The following SLC44A5 variants were observed in gnomAD, a reference collection of about 807,000 sequenced individuals.
The protein encoded by SLC44A5 is solute carrier family 44 member 5, also known as choline transporter-like protein 5.
SLC44A5 carries 57 observed loss-of-function variants against 101.8 expected under a neutral mutation model. That is an observed-to-expected ratio of 0.56 (90% CI 0.45 to 0.70). The LOEUF is 0.70. Ranked by LOEUF, SLC44A5 falls within the 30% of genes least tolerant of loss-of-function variation. SLC44A5 has a pLI of 0.00. For missense variants in SLC44A5, 737 were observed against 853.1 expected (o/e 0.86, Z 1.70); for synonymous variants, 281 against 290.9 (o/e 0.97, Z 0.35).
intron 3 of SLC44A5, among the ~76,000 whole-genome samples, chr1:75,352,061 C>T (rs544016004): frequency 6.6e-6 from 1 of 151,744 alleles, no homozygotes; most frequent in Non-Finnish European, 1.5e-5. Context: ...AACAGGATTT[C>T]TTTGGAGTAC....
chr1:75,556,881 G>T (rs561139412), intron 1 of SLC44A5, among the ~76,000 whole-genome samples: 10 of 152,058 alleles, frequency 6.6e-5, no homozygotes, highest in Admixed American at 2.6e-4. Flanking sequence ...AATAAATAAA[G>T]AAAGACGGGT....
intron 3 of SLC44A5, among the ~76,000 whole-genome samples, chr1:75,368,175 A>T (rs1048477741): frequency 5.9e-5 from 9 of 152,140 alleles, no homozygotes; most frequent in African/African-American, 9.7e-5. Context: ...GCAACCAATT[A>T]AAAAAACACT....
At chr1:75,235,904 G>A (rs1337389097) in intron 11 of SLC44A5, among the ~76,000 whole-genome samples, 1 of 152,040 alleles carries the variant, frequency 6.6e-6, no homozygotes, top group Non-Finnish European at 1.5e-5. Flanking sequence ...AACACAGAAT[G>A]GTAGGTGCTA....
intron 22 of SLC44A5, 123 bp downstream of exon 22, chr1:75,213,582 A>G: frequency 1.4e-6 from 1 of 719,834 alleles, no homozygotes; most frequent in Non-Finnish European, 2.4e-6. Flanking sequence ...AAGTTGGCTG[A>G]CACCTTGATC....
Position 75,222,424 on chromosome 1 carries a change from A to T in SLC44A5, c.1022T>A (p.Leu341His), listed in dbSNP as rs767059645. 9 of 1,613,456 alleles carry T rather than the reference A, an allele frequency of 5.6e-6. No individual in the cohort carries two copies. The highest frequency in any genetic ancestry group is 5.5e-5 in the South Asian group (5 of 91,076). Residue 341 changes from leucine (L) to histidine (H), a missense_variant, in exon 14 of 24, where the codon CTC becomes CAC. Leu to His is a moderately conservative substitution (Grantham distance 99). Transcript: ENST00000370859. ...ILCIIEVIVI[L>H]MLIFLRNRIR... ...TCGATTCCTGAGGAAGATCAGCATG[A>T]GGATGACAATCACTTCAATGATGCA... is the stretch of plus-strand genomic sequence containing the variant.
chr1:75,210,866 T>C (rs1460150805), intron 23 of SLC44A5, among the ~76,000 whole-genome samples: 1 of 152,234 alleles, frequency 6.6e-6, no homozygotes, highest in Non-Finnish European at 1.5e-5. Flanking sequence ...TGTTGAGGTA[T>C]AATTTTTTTA....
chr1:75,318,230 A>T lies in SLC44A5; in HGVS notation c.102-17545T>A, dbSNP rs564478585. 9.8e-4 allele frequency among the ~76,000 whole-genome samples: 149 copies of T among 152,124 alleles called. 1 individual carries two copies. The highest frequency in any genetic ancestry group is 3.4e-3 in the African/African-American group (142 of 41,506). ...TCGTCTCTACACAAATAAAAACATT[A>T]GTCACACAGGGTCACGCACACCTGT... On this transcript the variant is annotated intron_variant, in intron 4 of 23. Coordinates refer to ENST00000370859, the MANE Select transcript of SLC44A5 (RefSeq NM_001130058.2).
At chr1:75,508,056 T>G (rs1234083699) in intron 2 of SLC44A5, among the ~76,000 whole-genome samples, 1 of 152,064 alleles carries the variant, frequency 6.6e-6, no homozygotes, top group African/African-American at 2.4e-5. Flanking sequence ...CCATCAACCA[T>G]GGAATAAACA....
intron 1 of SLC44A5, among the ~76,000 whole-genome samples, chr1:75,550,754 G>A (rs1294038632): frequency 2.0e-5 from 3 of 152,032 alleles, no homozygotes; most frequent in African/African-American, 7.2e-5. Context: ...GAAGGAAGCA[G>A]AGAGGAAGGA....
chr1:75,625,755 G>A, the SLC44A5 span, among the ~76,000 whole-genome samples: 1 of 152,036 alleles, frequency 6.6e-6, no homozygotes, highest in Non-Finnish European at 1.5e-5. Context: ...TAGTCCCCCA[G>A]TTACCATCCT....
the SLC44A5 span, among the ~76,000 whole-genome samples, chr1:75,671,255 G>C: frequency 6.6e-6 from 1 of 152,150 alleles, no homozygotes; most frequent in East Asian, 1.9e-4. Flanking sequence ...GGTGTGCGTG[G>C]ACTCTGGATT....
chr1:75,472,411 GA>G (rs921999199), intron 2 of SLC44A5, among the ~76,000 whole-genome samples: 6 of 151,866 alleles, frequency 4.0e-5, no homozygotes, highest in South Asian at 2.1e-4. Context: ...CAACAAGCCT[GA>G]AAAAAAATAA....
chr1:75,228,804 C>A (rs899306292), intron 12 of SLC44A5, among the ~76,000 whole-genome samples: 2 of 151,516 alleles, frequency 1.3e-5, no homozygotes, highest in African/African-American at 4.8e-5. Context: ...AAATACAAGA[C>A]CTTAGTTACT....
chr1:75,301,353 G>A (rs1306677435), intron 4 of SLC44A5, among the ~76,000 whole-genome samples: 1 of 152,248 alleles, frequency 6.6e-6, no homozygotes, highest in Admixed American at 6.5e-5. Context: ...GATACTCAAG[G>A]TTTTCAACTA....
intron 1 of SLC44A5, among the ~76,000 whole-genome samples, chr1:75,576,389 A>G (rs1386058180): frequency 1.3e-5 from 2 of 151,302 alleles, no homozygotes; most frequent in African/African-American, 4.9e-5. Context: ...ATCTCCACTC[A>G]CTGCAAGCTC....
At chr1:75,646,794 C>A in the SLC44A5 span, among the ~76,000 whole-genome samples, 1 of 151,992 alleles carries the variant, frequency 6.6e-6, no homozygotes, top group Non-Finnish European at 1.5e-5. Flanking sequence ...TTGCCCATGC[C>A]CTAGAGATCT....
the SLC44A5 span, among the ~76,000 whole-genome samples, chr1:75,718,181 C>G: frequency 6.6e-6 from 1 of 152,186 alleles, no homozygotes; most frequent in African/African-American, 2.4e-5. Flanking sequence ...GTTTCTCCTA[C>G]TTAGTACTGC....
intron 6 of SLC44A5, among the ~76,000 whole-genome samples, chr1:75,263,845 C>G (rs1650750563): frequency 1.3e-5 from 2 of 152,098 alleles, no homozygotes; most frequent in South Asian, 4.1e-4. Flanking sequence ...ATGGATGAAG[C>G]TGGAAACCAT....
the SLC44A5 span, among the ~76,000 whole-genome samples, chr1:75,631,710 T>C: frequency 2.6e-5 from 4 of 152,014 alleles, no homozygotes; most frequent in African/African-American, 9.7e-5. Flanking sequence ...CTAATTTTTG[T>C]ATTTTTAGTA....
Sources: gnomAD v4.1 joint callset for allele counts (sites outside exome capture counted in the v4.1 genomes callset) on GRCh38, gnomAD v4.1.1 for gene constraint, MANE v1.5 for transcripts, NCBI Gene and HGNC (gene_info 2026-07-23, HGNC 2026-07-21) for gene names.